The following FOXP2 variants were observed in gnomAD, a reference collection of about 807,000 sequenced individuals.
FOXP2 encodes the protein forkhead box P2, also known as forkhead box protein P2.
In FOXP2, 12 loss-of-function variants were observed where a neutral mutation model predicts 115.8. The observed-to-expected ratio is 0.10, with a 90% CI of 0.07 to 0.17. The LOEUF is 0.17. Among genes scored for constraint, FOXP2 ranks in the 10% least tolerant of loss-of-function variants. The pLI, the probability that FOXP2 is intolerant of heterozygous loss-of-function variation, is 1.00. For synonymous variants in FOXP2, 328 were observed against 297.7 expected, an observed-to-expected ratio of 1.10 and a Z score of -1.05; for missense variants, 629 against 843.5, an observed-to-expected ratio of 0.75 and a Z score of 3.15.
chr7:114,508,278 G>T (rs1797919539), intron 2 of FOXP2, among the ~76,000 whole-genome samples: 1 of 151,952 alleles, frequency 6.6e-6, no homozygotes. Flanking sequence ...AGGAGAGGCA[G>T]AGTGGGAAGG....
At chr7:114,673,291 A>G (rs955255378) in intron 16 of FOXP2, among the ~76,000 whole-genome samples, 3 of 152,178 alleles carry the variant, frequency 2.0e-5, no homozygotes, top group African/African-American at 7.2e-5. Context: ...AATGGTACCA[A>G]TTGTATCTCA....
intron 2 of FOXP2, among the ~76,000 whole-genome samples, chr7:114,353,777 G>T (rs566018348): frequency 6.6e-6 from 1 of 151,942 alleles, no homozygotes; most frequent in African/African-American, 2.4e-5. Flanking sequence ...GTTCAATTAC[G>T]ATACTGGTGC....
chr7:114,202,264 C>T (rs1400695115), intron 1 of FOXP2, among the ~76,000 whole-genome samples: 2 of 152,268 alleles, frequency 1.3e-5, no homozygotes, highest in East Asian at 3.9e-4. Context: ...CTCATTTCTC[C>T]CTTACATCCT....
intron 2 of FOXP2, among the ~76,000 whole-genome samples, chr7:114,521,471 T>C (rs1798621148): frequency 7.4e-6 from 1 of 135,204 alleles, no homozygotes; most frequent in African/African-American, 2.9e-5. Flanking sequence ...AGTTCTAGGT[T>C]ACAGTGGACT....
intron 2 of FOXP2, among the ~76,000 whole-genome samples, chr7:114,497,679 AAATAAAT>A (rs201160839): frequency 0.012 from 1,816 of 147,142 alleles, 41 homozygotes; most frequent in African/African-American, 0.045. Context: ...ATAAATAAAT[AAATAAAT>A]AAATAAATAA....
chr7:114,532,847 A>G (rs1584861151), intron 2 of FOXP2, among the ~76,000 whole-genome samples: 2 of 151,940 alleles, frequency 1.3e-5, no homozygotes, highest in Non-Finnish European at 2.9e-5. Flanking sequence ...TTTCAGAGAC[A>G]CAGCCTGGGA....
chr7:114,215,344 A>C (rs1794458752), intron 1 of FOXP2, among the ~76,000 whole-genome samples: 1 of 152,162 alleles, frequency 6.6e-6, no homozygotes, highest in African/African-American at 2.4e-5. Flanking sequence ...ATCATTAATT[A>C]AGTTAAATTT....
At chr7:114,337,998 C>T (rs1401877311) in intron 2 of FOXP2, among the ~76,000 whole-genome samples, 2 of 151,056 alleles carry the variant, frequency 1.3e-5, no homozygotes, top group Non-Finnish European at 3.0e-5. Flanking sequence ...TATAAATACT[C>T]AAATATTTTA....
intron 16 of FOXP2, chr7:114,667,368 A>C (rs1445699281): frequency 6.6e-6 from 1 of 152,190 alleles, no homozygotes; most frequent in Admixed American, 6.6e-5. Context: ...TTTCGAGGTT[A>C]CAGTAAGCTA....
At position 114,452,901 on chromosome 7, in the gene FOXP2, CTTCTTTGCAAGTCTAAGAG is replaced by C. The variant is rs1387754051; in HGVS notation, c.168+26223_168+26241del. 3.3e-5 allele frequency among the ~76,000 whole-genome samples: 5 copies of C among 152,124 alleles called. No individual in the cohort carries two copies. The East Asian group carries it at 9.6e-4, about 29-fold the overall frequency. ...TAATGACTTAAGTAAGAGCCTTTGT[CTTCTTTGCAAGTCTAAGAG>C]ACTTATGTTAACTGCCTTCTCTTAG... On this transcript the variant is annotated intron_variant, in intron 2 of 16. Transcript: ENST00000350908.
chr7:114,263,801 A>G (rs1284152250), intron 1 of FOXP2, among the ~76,000 whole-genome samples: 3 of 151,634 alleles, frequency 2.0e-5, no homozygotes, highest in Admixed American at 1.3e-4. Context: ...GAACCATAAC[A>G]GTTATACTGG....
At chr7:114,239,587 C>T (rs1033003113) in intron 1 of FOXP2, among the ~76,000 whole-genome samples, 3 of 152,148 alleles carry the variant, frequency 2.0e-5, no homozygotes, top group East Asian at 1.9e-4. Flanking sequence ...GCTCTGCCTT[C>T]ACCCGTCAGT....
chr7:114,372,394 G>T (rs1020154522), intron 2 of FOXP2, among the ~76,000 whole-genome samples: 5 of 152,094 alleles, frequency 3.3e-5, no homozygotes, highest in Admixed American at 1.3e-4. Context: ...ATGTGAAAAG[G>T]GGTGCTATTA....
intron 2 of FOXP2, among the ~76,000 whole-genome samples, chr7:114,333,444 C>G (rs1202401947): frequency 6.6e-6 from 1 of 152,074 alleles, no homozygotes; most frequent in Non-Finnish European, 1.5e-5. Context: ...TTTCACCATT[C>G]AAAAAATAAG....
intron 1 of FOXP2, among the ~76,000 whole-genome samples, chr7:114,254,135 G>T (rs1346101670): frequency 6.6e-6 from 1 of 152,158 alleles, no homozygotes; most frequent in Non-Finnish European, 1.5e-5. Flanking sequence ...ACTCTCTTCT[G>T]GCTTGTAGAG....
Position 114,337,226 on chromosome 7 carries a change from T to G in FOXP2, c.-11+49117T>G, listed in dbSNP as rs536023118. 1.8e-4 allele frequency among the ~76,000 whole-genome samples: 28 copies of G among 151,530 alleles called. No homozygotes were observed. The East Asian group carries it at 5.4e-3, about 29-fold the overall frequency. On this transcript the variant is annotated intron_variant, in intron 2 of 17. Coordinates refer to the FOXP2 transcript ENST00000634411. ...ACCTTTTTTCCATTACCATGGTTCCTGTCATTAATGCATTATAATTTTCTT... is the reference window on the plus strand; with the variant it reads ...ACCTTTTTTCCATTACCATGGTTCCGGTCATTAATGCATTATAATTTTCTT...
intron 16 of FOXP2, chr7:114,665,274 G>C (rs190315222): frequency 6.6e-6 from 1 of 152,172 alleles, no homozygotes; most frequent in East Asian, 1.9e-4. Context: ...ATTTGAATCT[G>C]AATAATGAAG....
rs182252167 is a variant in FOXP2, at chr7:114,169,019, G to C, written c.-102+5931G>C. ...ATTGGGGTTTGGGAACCTCCGCCTA[G>C]ATGTCAGAGGACGTGTGGAAATACC... On this transcript the variant is annotated intron_variant, in intron 1 of 17. Coordinates refer to the FOXP2 transcript ENST00000634411. Among the ~76,000 whole-genome samples the C allele has an allele frequency of 3.1e-3, 470 of 152,344 alleles. 6 individuals carry two copies. Among genetic ancestry groups the C allele is most frequent in the Non-Finnish European group, 4.5e-3 (306 of 68,038 alleles).
intron 1 of FOXP2, among the ~76,000 whole-genome samples, chr7:114,280,742 C>T (rs1375107732): frequency 1.3e-5 from 2 of 152,098 alleles, no homozygotes; most frequent in East Asian, 1.9e-4. Context: ...TTGATTACCT[C>T]ATGAGAAATT....
Sources: gnomAD v4.1 joint callset for allele counts (sites outside exome capture counted in the v4.1 genomes callset) on GRCh38, gnomAD v4.1.1 for gene constraint, MANE v1.5 for transcripts, NCBI Gene and HGNC (gene_info 2026-07-23, HGNC 2026-07-21) for gene names.